Variants in ABCC1 observed in about 807,000 individuals in gnomAD.
ABCC1 encodes ATP binding cassette subfamily C member 1 (ABCC1 blood group).
ABCC1 carries 83 observed loss-of-function variants against 172.9 expected under a neutral mutation model. That is an observed-to-expected ratio of 0.48 (90% CI 0.40 to 0.58). ABCC1 has a LOEUF of 0.58. ABCC1 is among the 20% of genes least tolerant of loss of function. The pLI, the probability that ABCC1 is intolerant of heterozygous loss-of-function variation, is 0.00. For synonymous variants in ABCC1, 937 were observed against 825.2 expected (o/e 1.14, Z -2.32); for missense variants, 1,817 against 2,002.7 (o/e 0.91, Z 1.77).
In ABCC1 at chr16:16,106,761, A is replaced by C; in HGVS notation, c.2759A>C (p.Tyr920Ser). Residue 920 changes from tyrosine (Y) to serine (S), a missense_variant, in exon 21 of 31, where the codon TAT becomes TCT. Around this residue, in one of 3 missense-constraint regions of ABCC1, gnomAD observed 1,412 missense variants for 1,600.3 expected, o/e 0.88. Transcript: ENST00000399410. Reference protein sequence around the residue: ...LQRQLSSSSSYSGDISRHHNS... With the variant: ...LQRQLSSSSSSSGDISRHHNS... ...AGACAGCTCAGCAGCTCCTCCTCCTATAGTGGGGACATCAGCAGGCACCAC... is the reference window on the plus strand; with the variant it reads ...AGACAGCTCAGCAGCTCCTCCTCCTCTAGTGGGGACATCAGCAGGCACCAC... 1 of 1,614,000 alleles carries C rather than the reference A, an allele frequency of 6.2e-7. No individual in the cohort carries two copies. Among genetic ancestry groups the C allele is most frequent in the Non-Finnish European group, 8.5e-7 (1 of 1,179,992 alleles).
intron 5 of ABCC1, among the ~76,000 whole-genome samples, chr16:16,017,614 T>G (rs2048048152): frequency 6.6e-6 from 1 of 152,016 alleles, no homozygotes; most frequent in South Asian, 2.1e-4. Context: ...TAATTAAAGA[T>G]GGGGAGATGG....
At chr16:16,060,892 C>G (rs2049880766) in intron 12 of ABCC1, among the ~76,000 whole-genome samples, 1 of 152,052 alleles carries the variant, frequency 6.6e-6, no homozygotes, top group Non-Finnish European at 1.5e-5. Flanking sequence ...TCTCAGCTCA[C>G]TGCAATCTCT....
intron 19 of ABCC1, chr16:16,094,236 A>G (rs960907081): frequency 8.4e-5 from 23 of 272,420 alleles, no homozygotes; most frequent in African/African-American, 4.8e-4. Flanking sequence ...TGCTTTCTTC[A>G]GTTGGATATG....
chr16:16,132,503 GTTGGTTGTTTTTTT>G (rs1424134275), intron 27 of ABCC1, among the ~76,000 whole-genome samples: 2 of 81,382 alleles, frequency 2.5e-5, no homozygotes, highest in Non-Finnish European at 5.3e-5. Context: ...TTGTTTTTTG[GTTGGTTGTTTTTTT>G]TTTTTTTTTT....
chr16:16,020,670 T>C (rs1307171976), intron 5 of ABCC1, among the ~76,000 whole-genome samples: 1 of 152,222 alleles, frequency 6.6e-6, no homozygotes, highest in East Asian at 1.9e-4. Context: ...TCTTTAGCTC[T>C]GATGACTTTT....
At chr16:15,988,583 T>G (rs2046792350) in intron 1 of ABCC1, among the ~76,000 whole-genome samples, 1 of 152,134 alleles carries the variant, frequency 6.6e-6, no homozygotes. Context: ...CTTGCAAAGA[T>G]AGCCAGGGTT....
intron 1 of ABCC1, among the ~76,000 whole-genome samples, chr16:16,005,642 A>G (rs1448622849): frequency 2.0e-5 from 3 of 152,082 alleles, no homozygotes; most frequent in Non-Finnish European, 2.9e-5. Context: ...CACTGCGCCC[A>G]GAAGATTTTC....
In ABCC1 at chr16:15,956,000, C is replaced by A. The variant is rs555893103; in HGVS notation, c.48+6201C>A. On this transcript the variant is annotated intron_variant, in intron 1 of 30. Coordinates refer to ENST00000399410, the MANE Select transcript of ABCC1 (RefSeq NM_004996.4). ...CGGTGGCTTACACCTGTAATCTCAG[C>A]ACTTTGGGAGGCCGAGGCAGGTGGA... Among the ~76,000 whole-genome samples the A allele has an allele frequency of 2.0e-5, 3 of 152,236 alleles. No individual in the cohort carries two copies. In the East Asian group the frequency reaches 5.8e-4, roughly 29 times the overall value.
chr16:16,049,434 A>T (rs530765735), intron 10 of ABCC1, among the ~76,000 whole-genome samples: 1 of 152,314 alleles, frequency 6.6e-6, no homozygotes, highest in Admixed American at 6.5e-5. Flanking sequence ...TTCCCAAAAT[A>T]AAATGATAAG....
At position 16,141,484 on chromosome 16, in the gene ABCC1, C is replaced by G. The variant is rs959920840; in HGVS notation, c.*203C>G. 1.7e-6 allele frequency: 1 copy of G among 579,008 alleles called. No homozygotes were observed. The highest frequency in any genetic ancestry group is 1.9e-5 in the African/African-American group (1 of 53,352). The allele number at this position is 579,008 out of a possible 1,614,324, so 35.9% of individuals were successfully genotyped here. On this transcript the variant is annotated 3_prime_UTR_variant, in exon 31 of 31. Coordinates refer to ENST00000399410, the MANE Select transcript of ABCC1 (RefSeq NM_004996.4). Reference sequence around the variant, plus strand: ...ACTGGCTGTGAAGACCCAGGAGAGACAGAGATGCGAACCACCCAAAACACG... The same window carrying G: ...ACTGGCTGTGAAGACCCAGGAGAGAGAGAGATGCGAACCACCCAAAACACG...
chr16:15,958,014 G>C (rs575007120), intron 1 of ABCC1, among the ~76,000 whole-genome samples: 1 of 152,364 alleles, frequency 6.6e-6, no homozygotes, highest in Admixed American at 6.5e-5. Flanking sequence ...CGCTGAGGCT[G>C]TCCGTTTCTG....
At position 16,069,325 on chromosome 16, in the gene ABCC1, A is replaced by G. The variant is rs747475878; in HGVS notation, c.1824+1023A>G. Among the ~76,000 whole-genome samples, 35 of 151,982 alleles carry G rather than the reference A, an allele frequency of 2.3e-4. No individual in the cohort carries two copies. The East Asian group carries it at 3.3e-3, about 14-fold the overall frequency. Reference sequence around the variant, plus strand: ...GGAAGTTGAGGCTGCAGTGAGTCATAGTCTCACCACTACACTCCAGCCTGG... The same window carrying G: ...GGAAGTTGAGGCTGCAGTGAGTCATGGTCTCACCACTACACTCCAGCCTGG... On this transcript the variant is annotated intron_variant, in intron 13 of 30. Transcript: ENST00000399410.
Position 16,068,307 on chromosome 16 carries a change from A to G in ABCC1, c.1824+5A>G, listed in dbSNP as rs367699826. 10 of 1,613,442 alleles carry G rather than the reference A, an allele frequency of 6.2e-6. No homozygotes were observed. In the African/African-American group the frequency reaches 1.2e-4, roughly 19 times the overall value. On this transcript the variant is annotated splice_donor_5th_base_variant and intron_variant, in intron 13 of 30. Coordinates refer to ENST00000399410, the MANE Select transcript of ABCC1 (RefSeq NM_004996.4). ...GTCATCAGCAGCATCGTGCAGGTAC[A>G]GGGGGAAGCTGGGGCGACTTCCGAG...
intron 1 of ABCC1, among the ~76,000 whole-genome samples, chr16:15,987,621 C>A (rs2046771391): frequency 6.6e-6 from 1 of 152,172 alleles, no homozygotes; most frequent in Non-Finnish European, 1.5e-5. Context: ...GTCACATGTC[C>A]CCTGAGTGAC....
chr16:16,125,703 C>T (rs1294654985), intron 25 of ABCC1, 107 bp from the exon 26 acceptor site: 1 of 748,100 alleles, frequency 1.3e-6, no homozygotes, highest in Non-Finnish European at 2.1e-6. Flanking sequence ...ATAATTCATA[C>T]TTGTTGAAAA....
intron 14 of ABCC1, among the ~76,000 whole-genome samples, chr16:16,073,151 C>T (rs1227770164): frequency 6.6e-6 from 1 of 152,010 alleles, no homozygotes; most frequent in East Asian, 1.9e-4. Context: ...TGTCAATGTC[C>T]CAACTTGTCC....
intron 1 of ABCC1, among the ~76,000 whole-genome samples, chr16:16,005,859 C>T (rs895385918): frequency 2.0e-5 from 3 of 151,948 alleles, no homozygotes; most frequent in African/African-American, 7.3e-5. Context: ...GAGGTTGAGG[C>T]AGGAGAATCA....
intron 1 of ABCC1, among the ~76,000 whole-genome samples, chr16:15,951,684 C>T (rs985907060): frequency 4.8e-4 from 70 of 146,402 alleles, no homozygotes; most frequent in Middle Eastern, 3.4e-3. Flanking sequence ...TTTTTCTTTT[C>T]TTTTTTTTTT....
chr16:15,975,328 T>A (rs1481456812), intron 1 of ABCC1, among the ~76,000 whole-genome samples: 3 of 152,140 alleles, frequency 2.0e-5, no homozygotes, highest in Non-Finnish European at 4.4e-5. Context: ...GGCTCTTAGG[T>A]GCTTGGGAGT....
Sources: allele counts gnomAD v4.1 joint callset (sites outside exome capture counted in the v4.1 genomes callset), GRCh38; gene constraint gnomAD v4.1.1; regional missense constraint gnomAD v4.1.1; transcripts MANE v1.5; gene names NCBI Gene and HGNC (gene_info 2026-07-23, HGNC 2026-07-21).